ACAD10: variants seen among roughly 807,000 people sequenced by gnomAD.
ACAD10 encodes the protein acyl-CoA dehydrogenase family member 10, also known as ACAD-10.
Under a neutral mutation model 116.8 loss-of-function variants are expected in ACAD10, and 112 were observed. That is an observed-to-expected ratio of 0.96 (90% confidence interval 0.82 to 1.12). ACAD10 has a LOEUF of 1.12. Ranked by LOEUF, ACAD10 falls within the 50% of genes most tolerant of loss-of-function variation. The probability of loss-of-function intolerance (pLI) is 0.00; values close to 1 mark genes in which losing one functional copy is unlikely to be tolerated. For missense variants in ACAD10, 1,259 were observed against 1,350.2 expected (o/e 0.93, Z 1.06); for synonymous variants, 486 against 510.6 (o/e 0.95, Z 0.65).
At chr12:111,723,563 C>G (rs1375493470) in intron 8 of ACAD10, among the ~76,000 whole-genome samples, 1 of 140,338 alleles carries the variant, frequency 7.1e-6, no homozygotes, top group African/African-American at 2.6e-5. Context: ...CGCCCCTCAC[C>G]TCCCGGACGG....
intron 8 of ACAD10, among the ~76,000 whole-genome samples, chr12:111,726,926 G>A (rs1044080491): frequency 6.8e-6 from 1 of 147,868 alleles, no homozygotes; most frequent in Admixed American, 6.9e-5. Flanking sequence ...AGCAGAGTTG[G>A]GATTTAAACC....
intron 2 of ACAD10, among the ~76,000 whole-genome samples, chr12:111,695,655 G>A (rs1888172324): frequency 6.6e-6 from 1 of 152,018 alleles, no homozygotes; most frequent in Non-Finnish European, 1.5e-5. Context: ...TTTGTCTTTT[G>A]CTTGACTGGA....
In ACAD10 at chr12:111,735,148, C is replaced by T. The variant is rs369487563; in HGVS notation, c.1540+1080C>T. Reference sequence around the variant, plus strand: ...CTGAGGCAGGAGAATGGTGTGAACCCGGGAGGCGGAGCTTGCAATGAGCTG... The same window carrying T: ...CTGAGGCAGGAGAATGGTGTGAACCTGGGAGGCGGAGCTTGCAATGAGCTG... On this transcript the variant is annotated intron_variant, in intron 11 of 20. Coordinates refer to ENST00000313698, the MANE Select transcript of ACAD10 (RefSeq NM_025247.6). 1.7e-4 allele frequency among the ~76,000 whole-genome samples: 26 copies of T among 150,458 alleles called. No individual in the cohort carries two copies. The South Asian group carries it at 4.4e-3, about 26-fold the overall frequency.
intron 16 of ACAD10, among the ~76,000 whole-genome samples, chr12:111,748,027 C>T (rs1889964494): frequency 6.6e-6 from 1 of 152,168 alleles, no homozygotes; most frequent in African/African-American, 2.4e-5. Flanking sequence ...AGCCAGCTGG[C>T]AGGGATCAAG....
At chr12:111,714,697 A>T (rs762438742) in intron 6 of ACAD10, among the ~76,000 whole-genome samples, 5 of 151,612 alleles carry the variant, frequency 3.3e-5, no homozygotes, top group African/African-American at 4.8e-5. Context: ...GACTTACAAA[A>T]TTTTTTAAAT....
intron 19 of ACAD10, among the ~76,000 whole-genome samples, chr12:111,755,151 G>A (rs79660969): frequency 1.3e-5 from 2 of 152,136 alleles, no homozygotes; most frequent in African/African-American, 4.8e-5. Context: ...GGCCCAGGCT[G>A]GAGTAGAGTG....
At chr12:111,722,712 A>G (rs1162238491) in intron 8 of ACAD10, among the ~76,000 whole-genome samples, 1 of 152,230 alleles carries the variant, frequency 6.6e-6, no homozygotes, top group East Asian at 1.9e-4. Context: ...GCAAGGTCAC[A>G]GATCAACAGG....
intron 18 of ACAD10, chr12:111,749,551 C>G (rs1890012585): frequency 3.0e-6 from 2 of 665,070 alleles, no homozygotes; most frequent in Non-Finnish European, 4.9e-6. Flanking sequence ...CCCACTCTGT[C>G]GAGGTGACCT....
At chr12:111,750,020 G>T (rs146063790) in intron 18 of ACAD10, among the ~76,000 whole-genome samples, 3 of 151,092 alleles carry the variant, frequency 2.0e-5, no homozygotes, top group Non-Finnish European at 4.4e-5. Flanking sequence ...TGATCTGCCC[G>T]CCTCGGGCTC....
chr12:111,740,109 C>G (rs1889687911), intron 12 of ACAD10, among the ~76,000 whole-genome samples: 4 of 152,056 alleles, frequency 2.6e-5, no homozygotes. Context: ...TTGCGGAAGG[C>G]GAGCAGTAGA....
At chr12:111,738,584 T>C (rs538751876) in intron 12 of ACAD10, among the ~76,000 whole-genome samples, 268 of 152,048 alleles carry the variant, frequency 1.8e-3, no homozygotes, top group Non-Finnish European at 2.9e-3. Context: ...CCATGAGTAG[T>C]AGCCGGGCAT....
At chr12:111,702,373 A>AT (rs1888372205) in intron 3 of ACAD10, 63 bp downstream of exon 3, 1 of 1,567,016 alleles carries the variant, frequency 6.4e-7, no homozygotes, top group Non-Finnish European at 8.7e-7. Flanking sequence ...TGGTTGCAAC[A>AT]TTCATGTATA....
intron 8 of ACAD10, among the ~76,000 whole-genome samples, chr12:111,724,905 G>A (rs1050726815): frequency 2.6e-5 from 4 of 151,196 alleles, no homozygotes; most frequent in Non-Finnish European, 4.4e-5. Flanking sequence ...GAGGGAGACC[G>A]TGGGGAGAGG....
At chr12:111,706,762 TTATA>T (rs1207421681) in intron 4 of ACAD10, among the ~76,000 whole-genome samples, 22 of 131,592 alleles carry the variant, frequency 1.7e-4, no homozygotes, top group African/African-American at 3.7e-4. Flanking sequence ...ATTTATTTTT[TTATA>T]TATATATATA....
At chr12:111,727,842 T>G in intron 8 of ACAD10, 120 bp from the exon 9 acceptor site, 1 of 1,006,428 alleles carries the variant, frequency 9.9e-7, no homozygotes, top group Non-Finnish European at 1.5e-6. Flanking sequence ...GCTCTGGGTC[T>G]GAACTCTTCA....
chr12:111,718,397 TTC>T (rs909133813), intron 7 of ACAD10, among the ~76,000 whole-genome samples: 3 of 152,076 alleles, frequency 2.0e-5, no homozygotes, highest in South Asian at 2.1e-4. Context: ...ATAATTTGTA[TTC>T]TCTCTCTCTT....
rs776895160 is a variant in ACAD10 at position 111,755,741 on chromosome 12, T to C, written c.3035T>C (p.Ile1012Thr). 1 of 1,613,748 alleles carries C rather than the reference T, an allele frequency of 6.2e-7. No homozygotes were observed. The highest frequency in any genetic ancestry group is 8.5e-7 in the Non-Finnish European group (1 of 1,179,854). ...GCCTCCCGAGTGATTGATCGTGCGA[T>C]TCAGGTGAGCACAGACCAGACAGTT... Reference protein sequence around the residue: ...SMASRVIDRAIQAFGAAGLSS... With the variant: ...SMASRVIDRATQAFGAAGLSS... The change falls in exon 20 of 21, where the codon ATT becomes ACT. Residue 1012 changes from isoleucine to threonine, a missense_variant. Ile to Thr is a moderately conservative substitution (Grantham distance 89). Transcript: ENST00000313698.
chr12:111,730,072 T>A, intron 10 of ACAD10, 116 bp downstream of exon 10: 1 of 1,384,414 alleles, frequency 7.2e-7, no homozygotes, highest in Non-Finnish European at 9.7e-7. Flanking sequence ...ACAAAGCACC[T>A]GTCTGTGTGT....
At chr12:111,723,540 G>A (rs1206302248) in intron 8 of ACAD10, among the ~76,000 whole-genome samples, 1 of 142,552 alleles carries the variant, frequency 7.0e-6, no homozygotes, top group Non-Finnish European at 1.6e-5. Context: ...CAGTAGGGGC[G>A]GCCAGGCAGA....
Sources: allele counts gnomAD v4.1 joint callset (sites outside exome capture counted in the v4.1 genomes callset), GRCh38; gene constraint gnomAD v4.1.1; transcripts MANE v1.5; gene names NCBI Gene and HGNC (gene_info 2026-07-23, HGNC 2026-07-21).